The following EMID1 variants were observed in gnomAD, a reference collection of about 807,000 sequenced individuals.
EMID1 encodes the protein EMI domain-containing protein 1.
Under a neutral mutation model 60.6 loss-of-function variants are expected in EMID1, and 40 were observed. That is an observed-to-expected ratio of 0.66 (90% CI 0.51 to 0.86). The LOEUF is 0.86. Ranked by LOEUF, EMID1 falls within the 40% of genes least tolerant of loss-of-function variation. The pLI is 0.00. For synonymous variants in EMID1, 242 were observed against 231.0 expected, an observed-to-expected ratio of 1.05 and a Z score of -0.43; for missense variants, 585 against 597.1, an observed-to-expected ratio of 0.98 and a Z score of 0.21.
Position 29,232,236 on chromosome 22 carries a change from TC to T in EMID1, c.677-18del, listed in dbSNP as rs779472011. 1 of 1,611,222 alleles carries T rather than the reference TC, an allele frequency of 6.2e-7. No homozygotes were observed. Among genetic ancestry groups the T allele is most frequent in the Admixed American group, 1.7e-5 (1 of 59,992 alleles). On this transcript the variant is annotated intron_variant, in intron 7 of 14. Transcript: ENST00000334018. ...TCCTTGCCTCCTGTATACCCACAAA[TC>T]CGTGTGATTCCATTGCAGGTCCACA...
intron 3 of EMID1, 68 bp downstream of exon 3, chr22:29,215,698 G>A: frequency 2.3e-6 from 3 of 1,284,612 alleles, no homozygotes; most frequent in Non-Finnish European, 3.4e-6. Context: ...CAGGTGCATG[G>A]AGCCGTGAAC....
At chr22:29,223,977 C>T (rs1303925118) in intron 3 of EMID1, among the ~76,000 whole-genome samples, 1 of 152,244 alleles carries the variant, frequency 6.6e-6, no homozygotes. Flanking sequence ...GATGTCTCCC[C>T]TCCCCAGGGA....
intron 9 of EMID1, 50 bp downstream of exon 9, chr22:29,233,518 AG>A (rs771010483): frequency 6.2e-7 from 1 of 1,608,076 alleles, no homozygotes; most frequent in South Asian, 1.1e-5. Context: ...TAGATGGCAG[AG>A]GGAATAGGGT....
At chr22:29,243,567 G>A in intron 13 of EMID1, 78 bp downstream of exon 13, 2 of 1,550,996 alleles carry the variant, frequency 1.3e-6, no homozygotes, top group East Asian at 4.5e-5. Flanking sequence ...TCCCCAGGAG[G>A]CCCTGGGAGT....
At chr22:29,253,242 C>G (rs1047060611) in intron 13 of EMID1, among the ~76,000 whole-genome samples, 1 of 152,132 alleles carries the variant, frequency 6.6e-6, no homozygotes, top group Non-Finnish European at 1.5e-5. Flanking sequence ...GCCAGGAGAT[C>G]GAGGCCAGCC....
At chr22:29,246,279 A>G (rs542807431) in intron 13 of EMID1, among the ~76,000 whole-genome samples, 1 of 152,130 alleles carries the variant, frequency 6.6e-6, no homozygotes, top group South Asian at 2.1e-4. Context: ...GTAGGAGGCC[A>G]CGTTCAGGAA....
At chr22:29,243,259 C>G (rs1847657684) in intron 12 of EMID1, among the ~76,000 whole-genome samples, 186 bp from the exon 13 acceptor site, 1 of 152,206 alleles carries the variant, frequency 6.6e-6, no homozygotes, top group Non-Finnish European at 1.5e-5. Flanking sequence ...TCTCCAGTGT[C>G]TGTCTGCTTT....
intron 13 of EMID1, among the ~76,000 whole-genome samples, chr22:29,251,372 G>A (rs1160450723): frequency 7.6e-6 from 1 of 131,424 alleles, no homozygotes; most frequent in Non-Finnish European, 1.6e-5. Context: ...GTGAGCCACT[G>A]CATCTGGCCA....
chr22:29,224,137 A>G (rs2040405536), intron 3 of EMID1, among the ~76,000 whole-genome samples: 1 of 152,188 alleles, frequency 6.6e-6, no homozygotes, highest in Admixed American at 6.5e-5. Flanking sequence ...CCACAATGGG[A>G]CCCAGAGCAG....
At position 29,243,450 on chromosome 22, in the gene EMID1, A is replaced by T. The variant is rs2041222546; in HGVS notation, c.1080A>T (p.Glu360Asp). The T allele has an allele frequency of 6.2e-7, 1 of 1,613,950 alleles. No individual in the cohort carries two copies. Among genetic ancestry groups the T allele is most frequent in the Admixed American group, 1.7e-5 (1 of 60,006 alleles). The change falls in exon 13 of 15, where the codon GAA becomes GAT. Residue 360 changes from glutamate to aspartate, a missense_variant. By Grantham distance (45) the Glu-to-Asp change is conservative. Transcript: ENST00000334018. ...GPQGSAGQRG[E>D]PGPKGDPGEK... ...ATCTCTGTCTCTCCTTGCAGGGGGA[A>T]CCTGGCCCTAAGGGAGACCCTGGTG...
At chr22:29,211,406 C>A (rs916244031) in intron 1 of EMID1, among the ~76,000 whole-genome samples, 10 of 151,920 alleles carry the variant, frequency 6.6e-5, no homozygotes, top group African/African-American at 2.4e-4. Context: ...CACGGAGGCC[C>A]GTGTGTCCAT....
chr22:29,245,249 A>AC (rs773425137), intron 13 of EMID1, among the ~76,000 whole-genome samples: 6 of 152,048 alleles, frequency 3.9e-5, no homozygotes, highest in Non-Finnish European at 8.8e-5. Flanking sequence ...GATCAGATAG[A>AC]CCCATGCAAG....
Position 29,231,640 on chromosome 22 carries a change from G to A in EMID1, c.634G>A (p.Asp212Asn). 2 of 1,492,232 alleles carry A rather than the reference G, an allele frequency of 1.3e-6. No individual in the cohort carries two copies. Among genetic ancestry groups the A allele is most frequent in the South Asian group, 1.4e-5 (1 of 73,830 alleles). The allele number at this position is 1,492,232 out of a possible 1,614,324, so 92.4% of individuals were successfully genotyped here. The part of the protein sequence containing the change: ...GLPGPTGPKG[D>N]AGSRGPMGMR... ...TCCCGGGCCCACCGGCCCCAAGGGA[G>A]ATGCCGGCAGTCGGGGCCCAATGGG... The change falls in exon 7 of 15, where the codon GAT becomes AAT. Residue 212 changes from aspartate (D) to asparagine (N), a missense_variant. Physicochemically the swap from Asp to Asn is conservative, Grantham distance 23 (BLOSUM62 1). Coordinates refer to ENST00000334018, the MANE Select transcript of EMID1 (RefSeq NM_133455.4).
At chr22:29,206,171 G>A in intron 1 of EMID1, 32 bp downstream of exon 1, 15 of 1,221,762 alleles carry the variant, frequency 1.2e-5, no homozygotes, top group African/African-American at 1.6e-5. Context: ...GCACCCCGCT[G>A]GCCGAGGGTC....
At chr22:29,235,356 A>G (rs2040908050) in intron 12 of EMID1, among the ~76,000 whole-genome samples, 1 of 151,894 alleles carries the variant, frequency 6.6e-6, no homozygotes, top group African/African-American at 2.4e-5. Flanking sequence ...CTCAAAAAAA[A>G]AAAAAAAAAA....
chr22:29,239,870 G>A (rs762362159), intron 12 of EMID1, among the ~76,000 whole-genome samples: 6 of 150,570 alleles, frequency 4.0e-5, no homozygotes, highest in Non-Finnish European at 8.9e-5. Context: ...AGTGATTCTC[G>A]TGCATCAACC....
At chr22:29,218,629 A>G (rs1015588942) in intron 3 of EMID1, among the ~76,000 whole-genome samples, 1 of 152,204 alleles carries the variant, frequency 6.6e-6, no homozygotes, top group Non-Finnish European at 1.5e-5. Flanking sequence ...AACCAAGGCC[A>G]GAATGCACCA....
chr22:29,210,584 G>C (rs1156756643), intron 1 of EMID1, among the ~76,000 whole-genome samples: 1 of 152,104 alleles, frequency 6.6e-6, no homozygotes, highest in African/African-American at 2.4e-5. Context: ...CCAGGCTGTA[G>C]TGCAGTGGCG....
chr22:29,213,075 G>A (rs913742324), intron 1 of EMID1, among the ~76,000 whole-genome samples: 2 of 152,216 alleles, frequency 1.3e-5, no homozygotes, highest in Non-Finnish European at 2.9e-5. Context: ...ATCTGTACAT[G>A]TGCACGCATA....
Sources: allele counts gnomAD v4.1 joint callset (sites outside exome capture counted in the v4.1 genomes callset), GRCh38; gene constraint gnomAD v4.1.1; transcripts MANE v1.5; gene names NCBI Gene and HGNC (gene_info 2026-07-23, HGNC 2026-07-21).